SNAP91: variants seen among roughly 807,000 people sequenced by gnomAD.
The protein encoded by SNAP91 is synaptosome associated protein 91, also known as clathrin coat assembly protein AP180.
Under a neutral mutation model 100.3 loss-of-function variants are expected in SNAP91, and 27 were observed. The ratio of observed to expected loss-of-function variants is 0.27; its 90% CI spans 0.20 to 0.37. SNAP91 has a LOEUF of 0.37. Ranked by LOEUF, SNAP91 falls within the 10% of genes least tolerant of loss-of-function variation. The pLI is 1.00. For synonymous variants in SNAP91, 404 were observed against 398.6 expected, an observed-to-expected ratio of 1.01 and a Z score of -0.16; for missense variants, 986 against 1,123.7, an observed-to-expected ratio of 0.88 and a Z score of 1.75.
intron 6 of SNAP91, 34 bp downstream of exon 6, chr6:83,658,965 T>C (rs765310646): frequency 6.2e-6 from 9 of 1,463,238 alleles, no homozygotes; most frequent in South Asian, 3.7e-5. Context: ...ACAACATTGA[T>C]TGTGTATGAA....
At chr6:83,599,651 A>G (rs2094928681) in intron 16 of SNAP91, among the ~76,000 whole-genome samples, 1 of 152,164 alleles carries the variant, frequency 6.6e-6, no homozygotes, top group Non-Finnish European at 1.5e-5. Context: ...GACAAACTCT[A>G]TTTACCACCT....
At chr6:83,580,696 G>A in intron 23 of SNAP91, 97 bp from the exon 24 acceptor site, 2 of 1,154,028 alleles carry the variant, frequency 1.7e-6, no homozygotes, top group East Asian at 5.2e-5. Flanking sequence ...ATGGAAACAA[G>A]TGAATATAAA....
At chr6:83,636,611 T>A (rs914774152) in intron 8 of SNAP91, among the ~76,000 whole-genome samples, 1 of 152,220 alleles carries the variant, frequency 6.6e-6, no homozygotes, top group Non-Finnish European at 1.5e-5. Context: ...TTCTCTTGGA[T>A]CTTATTGAGC....
At position 83,594,485 on chromosome 6, in the gene SNAP91, G is replaced by C. The variant is rs1405464219; in HGVS notation, c.1325-4C>G. 8 of 1,486,486 alleles carry C rather than the reference G, an allele frequency of 5.4e-6. No individual in the cohort carries two copies. In the East Asian group the frequency reaches 2.0e-4, roughly 38 times the overall value. The allele number at this position is 1,486,486 out of a possible 1,614,324, so 92.1% of individuals were successfully genotyped here. ...CCAGGAGAAGCTGCAAAGGCATCTTGGGTGCGGTTTTTAAAACAGCAGAAA... is the reference window on the plus strand; with the variant it reads ...CCAGGAGAAGCTGCAAAGGCATCTTCGGTGCGGTTTTTAAAACAGCAGAAA... On this transcript the variant is annotated splice_polypyrimidine_tract_variant and splice_region_variant and intron_variant, in intron 16 of 29. Coordinates refer to ENST00000369694, the MANE Select transcript of SNAP91 (RefSeq NM_001242792.2).
intron 22 of SNAP91, among the ~76,000 whole-genome samples, chr6:83,588,381 G>A (rs3823049): frequency 0.76 from 115,550 of 152,180 alleles, 44,165 homozygotes; most frequent in East Asian, 0.88. Context: ...TGGAAAGTGT[G>A]TAGTAAATGA....
chr6:83,580,379 G>C, intron 24 of SNAP91, 71 bp downstream of exon 24: 1 of 1,447,108 alleles, frequency 6.9e-7, no homozygotes, highest in Non-Finnish European at 9.4e-7. Flanking sequence ...GAGAGAGAGA[G>C]AGAGAGAGAA....
At chr6:83,644,657 GA>G (rs2128585853) in intron 7 of SNAP91, among the ~76,000 whole-genome samples, 1 of 152,274 alleles carries the variant, frequency 6.6e-6, no homozygotes, top group South Asian at 2.1e-4. Flanking sequence ...TATCATCTCT[GA>G]GAGACAAACT....
chr6:83,657,956 T>G (rs531799535), intron 6 of SNAP91, among the ~76,000 whole-genome samples: 2 of 150,810 alleles, frequency 1.3e-5, no homozygotes, highest in South Asian at 4.2e-4. Context: ...TTTTTGGTAT[T>G]TTTAGTAGAG....
chr6:83,560,237 G>C, intron 27 of SNAP91, 29 bp from the exon 28 acceptor site: 1 of 1,535,844 alleles, frequency 6.5e-7, no homozygotes, highest in Non-Finnish European at 9.0e-7. Flanking sequence ...GAGTGGTTCA[G>C]AGCATGAGTG....
chr6:83,686,548 A>G (rs1277414318), intron 2 of SNAP91, among the ~76,000 whole-genome samples: 1 of 152,184 alleles, frequency 6.6e-6, no homozygotes, highest in Non-Finnish European at 1.5e-5. Context: ...ACTGAAATTT[A>G]GGGCCCAATT....
chr6:83,678,446 C>T (rs1033963869), intron 2 of SNAP91, among the ~76,000 whole-genome samples: 7 of 152,070 alleles, frequency 4.6e-5, no homozygotes, highest in African/African-American at 1.4e-4. Context: ...AAAAAAACAG[C>T]GTTTCATAAA....
intron 7 of SNAP91, among the ~76,000 whole-genome samples, chr6:83,649,862 T>C (rs2098122374): frequency 6.6e-6 from 1 of 152,144 alleles, no homozygotes; most frequent in Non-Finnish European, 1.5e-5. Flanking sequence ...GTGTTGGGAT[T>C]ACAGGCGTGA....
chr6:83,563,197 C>T (rs2127896804), intron 26 of SNAP91, among the ~76,000 whole-genome samples: 1 of 152,270 alleles, frequency 6.6e-6, no homozygotes, highest in Non-Finnish European at 1.5e-5. Flanking sequence ...CAGCAACCCG[C>T]TTTTGAGGCC....
At chr6:83,642,760 G>T (rs1049717057) in intron 7 of SNAP91, among the ~76,000 whole-genome samples, 1 of 152,124 alleles carries the variant, frequency 6.6e-6, no homozygotes, top group African/African-American at 2.4e-5. Context: ...CTGAGGAATT[G>T]CCACACTGTC....
intron 2 of SNAP91, among the ~76,000 whole-genome samples, chr6:83,697,993 A>G (rs2099242545): frequency 6.6e-6 from 1 of 152,172 alleles, no homozygotes; most frequent in African/African-American, 2.4e-5. Flanking sequence ...ACAAATGCAC[A>G]GGGGGCCATG....
chr6:83,605,637 T>G (rs1307454798), intron 14 of SNAP91, 48 bp downstream of exon 14: 1 of 1,546,522 alleles, frequency 6.5e-7, no homozygotes, highest in Non-Finnish European at 8.7e-7. Context: ...GTAAAAACAA[T>G]GAAATAAAAT....
intron 7 of SNAP91, among the ~76,000 whole-genome samples, chr6:83,642,223 G>T (rs1363498393): frequency 6.6e-6 from 1 of 151,604 alleles, no homozygotes; most frequent in Non-Finnish European, 1.5e-5. Context: ...AAGTTCTAGG[G>T]TGCATATGCA....
intron 3 of SNAP91, among the ~76,000 whole-genome samples, chr6:83,663,590 G>T (rs1183291695): frequency 6.6e-6 from 1 of 152,122 alleles, no homozygotes; most frequent in African/African-American, 2.4e-5. Context: ...TAGGAGGGCT[G>T]AGAGAGGTGA....
chr6:83,634,164 C>T (rs554059764), intron 8 of SNAP91, among the ~76,000 whole-genome samples: 1 of 152,116 alleles, frequency 6.6e-6, no homozygotes, highest in South Asian at 2.1e-4. Context: ...TCCCTGTGGC[C>T]TTTTCCCAGT....
Sources: gnomAD v4.1 joint callset for allele counts (sites outside exome capture counted in the v4.1 genomes callset) on GRCh38, gnomAD v4.1.1 for gene constraint, MANE v1.5 for transcripts, NCBI Gene and HGNC (gene_info 2026-07-23, HGNC 2026-07-21) for gene names.